The following CCDC102A variants were observed in gnomAD, a reference collection of about 807,000 sequenced individuals.
CCDC102A encodes the protein coiled-coil domain containing 102A.
CCDC102A carries 40 observed loss-of-function variants against 55.5 expected under a neutral mutation model. The observed-to-expected ratio is 0.72, with a 90% confidence interval of 0.56 to 0.94. CCDC102A has a LOEUF of 0.94. Ranked by LOEUF, CCDC102A falls within the 40% of genes least tolerant of loss-of-function variation. The pLI, the probability that CCDC102A is intolerant of heterozygous loss-of-function variation, is 0.00. For missense variants in CCDC102A, 779 were observed against 768.6 expected, an observed-to-expected ratio of 1.01 and a Z score of -0.16; for synonymous variants, 323 against 339.0, an observed-to-expected ratio of 0.95 and a Z score of 0.52.
chr16:57,520,153 G>A (rs535678800), intron 4 of CCDC102A, among the ~76,000 whole-genome samples: 11 of 152,280 alleles, frequency 7.2e-5, no homozygotes, highest in South Asian at 4.1e-4. Context: ...CAGCCTCCTC[G>A]TCTTCATCCT....
At chr16:57,528,517 T>C (rs1266633627) in intron 2 of CCDC102A, 76 bp downstream of exon 2, 1 of 1,041,450 alleles carries the variant, frequency 9.6e-7, no homozygotes, top group Non-Finnish European at 1.2e-6. Flanking sequence ...AGCTTGTTTC[T>C]GAGCCCAGCA....
chr16:57,525,270 A>G (rs1197138072), intron 3 of CCDC102A, among the ~76,000 whole-genome samples: 3 of 151,948 alleles, frequency 2.0e-5, no homozygotes, highest in African/African-American at 7.2e-5. Context: ...TAATTTTTGC[A>G]TTTTTGGTAG....
chr16:57,536,366 G>A (rs1396302047), intron 1 of CCDC102A, 134 bp downstream of exon 1: 6 of 152,254 alleles, frequency 3.9e-5, no homozygotes, highest in South Asian at 2.1e-4. Context: ...GGTTGCCGCG[G>A]GCGCCCCGAC....
chr16:57,522,257 A>T (rs1163694546), intron 3 of CCDC102A, among the ~76,000 whole-genome samples: 30 of 152,220 alleles, frequency 2.0e-4, no homozygotes, highest in African/African-American at 7.2e-4. Context: ...TAGAGAGAGG[A>T]TCTGGCTCTG....
intron 1 of CCDC102A, among the ~76,000 whole-genome samples, 179 bp downstream of exon 1, chr16:57,536,321 G>A (rs1422532104): frequency 1.3e-5 from 2 of 152,120 alleles, no homozygotes; most frequent in Admixed American, 6.5e-5. Flanking sequence ...AGGGAGGCCG[G>A]GGAGGCGTCT....
rs761976761 is a variant in CCDC102A, at chr16:57,528,959, C to T, written c.219G>A (p.Glu73=). The change falls in exon 2 of 9, where the codon GAG becomes GAA. Residue 73 remains glutamate, a synonymous_variant. Coordinates refer to ENST00000258214, the MANE Select transcript of CCDC102A (RefSeq NM_033212.4). ...LLADGDWESR[E]ELRLRELEEA... is the part of the protein sequence containing the mutation. ...CCTCCAGCTCCCGCAGCCGCAGCTC[C>T]TCGCGGCTCTCCCAGTCGCCGTCGG... 5 of 1,354,418 alleles carry T rather than the reference C, an allele frequency of 3.7e-6. No homozygotes were observed. The highest frequency in any genetic ancestry group is 4.8e-6 in the Non-Finnish European group (5 of 1,041,412). The allele number at this position is 1,354,418 out of a possible 1,614,324, so 83.9% of individuals were successfully genotyped here.
At chr16:57,531,903 G>A (rs540547813) in intron 1 of CCDC102A, among the ~76,000 whole-genome samples, 9 of 152,300 alleles carry the variant, frequency 5.9e-5, no homozygotes, top group South Asian at 4.1e-4. Flanking sequence ...ACACCACCAC[G>A]TGGAGCAGTA....
intron 3 of CCDC102A, among the ~76,000 whole-genome samples, chr16:57,521,384 T>C (rs147671740): frequency 0.028 from 4,198 of 152,282 alleles, 75 homozygotes; most frequent in Non-Finnish European, 0.038. Flanking sequence ...CAAGTGCAAG[T>C]GCCCAGCTCA....
chr16:57,522,682 T>C (rs1223853487), intron 3 of CCDC102A, among the ~76,000 whole-genome samples: 1 of 152,234 alleles, frequency 6.6e-6, no homozygotes, highest in Non-Finnish European at 1.5e-5. Flanking sequence ...GTAGCTGTCC[T>C]GCGAGGTGAC....
In CCDC102A at chr16:57,528,921, C is replaced by T; in HGVS notation, c.257G>A (p.Arg86Gln). Residue 86 changes from arginine (R) to glutamine (Q), a missense_variant, in exon 2 of 9, where the codon CGG becomes CAG. Physicochemically the swap from Arg to Gln is conservative, Grantham distance 43 (BLOSUM62 1). Transcript: ENST00000258214. The stretch of plus-strand genomic sequence containing the variant: ...CATGGTCTTCTCCATCTGCGCCGCC[C>T]GCGCCCGCGCCTCCTCCAGCTCCCG... Reference protein sequence around the residue: ...RLRELEEARARAAQMEKTMRR... With the variant: ...RLRELEEARAQAAQMEKTMRR... The T allele has an allele frequency of 7.1e-7, 1 of 1,400,232 alleles. No individual in the cohort carries two copies. Among genetic ancestry groups the T allele is most frequent in the Non-Finnish European group, 9.4e-7 (1 of 1,067,246 alleles). 86.7% of individuals were successfully genotyped at this position (1,400,232 alleles called of 1,614,324 possible).
Position 57,512,681 on chromosome 16 carries a change from T to C in CCDC102A, c.*60A>G, listed in dbSNP as rs1286909272. The stretch of plus-strand genomic sequence containing the variant: ...TAGGCACTGCATCAGTTTGAGTGGC[T>C]GGTTAGCCTGGACCCTGGGCAGGTA... On this transcript the variant is annotated 3_prime_UTR_variant, in exon 9 of 9. Transcript: ENST00000258214. 2 of 1,556,334 alleles carry C rather than the reference T, an allele frequency of 1.3e-6. No individual in the cohort carries two copies. The highest frequency in any genetic ancestry group is 1.7e-6 in the Non-Finnish European group (2 of 1,150,992).
In CCDC102A at chr16:57,512,368, G is replaced by C; in HGVS notation, c.*373C>G. The C allele has an allele frequency of 2.5e-6, 1 of 399,976 alleles. No homozygotes were observed. The highest frequency in any genetic ancestry group is 4.4e-6 in the Non-Finnish European group (1 of 227,030). 24.8% of individuals were successfully genotyped at this position (399,976 alleles called of 1,614,324 possible). A position where few individuals can be genotyped will look rare whatever the true frequency, so the allele number is the denominator to read the frequency against. On this transcript the variant is annotated 3_prime_UTR_variant, in exon 9 of 9. Coordinates refer to ENST00000258214, the MANE Select transcript of CCDC102A (RefSeq NM_033212.4). ...ATTGTATGATGAACAGCGAAGCCTA[G>C]AGAGGCAGCCCAGGGTGGGGCTCCA...
intron 3 of CCDC102A, among the ~76,000 whole-genome samples, chr16:57,522,777 C>T (rs1479600950): frequency 1.3e-5 from 2 of 152,242 alleles, no homozygotes; most frequent in African/African-American, 2.4e-5. Flanking sequence ...ACTATCGTCA[C>T]TATCATCCCA....
chr16:57,527,409 TTGC>T (rs1236701889), intron 2 of CCDC102A, among the ~76,000 whole-genome samples: 4 of 135,288 alleles, frequency 3.0e-5, no homozygotes, highest in Admixed American at 7.0e-5. Context: ...CTGGCAGACA[TTGC>T]TGCTGCTTTT....
intron 1 of CCDC102A, among the ~76,000 whole-genome samples, chr16:57,533,972 C>A (rs540352005): frequency 6.6e-6 from 1 of 152,318 alleles, no homozygotes; most frequent in South Asian, 2.1e-4. Context: ...GACCGGCCAC[C>A]ACAGGCCCCG....
At position 57,512,509 on chromosome 16, in the gene CCDC102A, G is replaced by GGT. The variant is rs200214918; in HGVS notation, c.*230_*231dup. ...AACCAAATGGGTCCAAAGACTTCTG[G>GGT]GTGTGCGCGCGCGCGCGCGCGTGTG... is the stretch of plus-strand genomic sequence containing the variant. On this transcript the variant is annotated 3_prime_UTR_variant, in exon 9 of 9. Transcript: ENST00000258214. The GGT allele has an allele frequency of 1.2e-3, 512 of 444,404 alleles. 6 individuals carry two copies. The East Asian group carries it at 0.014, about 12-fold the overall frequency. The allele number at this position is 444,404 out of a possible 1,614,324, so 27.5% of individuals were successfully genotyped here.
At chr16:57,532,650 A>T (rs575211824) in intron 1 of CCDC102A, among the ~76,000 whole-genome samples, 2 of 152,242 alleles carry the variant, frequency 1.3e-5, no homozygotes, top group South Asian at 2.1e-4. Flanking sequence ...ACACTGACAC[A>T]CAGGTACAAG....
chr16:57,529,222 AG>A lies in CCDC102A; in HGVS notation c.-46del. The A allele has an allele frequency of 8.7e-7, 1 of 1,148,862 alleles. No homozygotes were observed. The highest frequency in any genetic ancestry group is 1.1e-6 in the Non-Finnish European group (1 of 933,568). The allele number at this position is 1,148,862 out of a possible 1,614,324, so 71.2% of individuals were successfully genotyped here. On this transcript the variant is annotated 5_prime_UTR_variant, in exon 2 of 9. An upstream open reading frame in the 5' UTR loses its in-frame stop. Coordinates refer to ENST00000258214, the MANE Select transcript of CCDC102A (RefSeq NM_033212.4). The surrounding 1 kb of genome is among the most constrained non-coding windows in gnomAD (Gnocchi z 4.1). ...TGAGCTCGAACTCGCGGTCGGGCTC[AG>A]GGGCGGCTCCGGGGACGCGCGGCGG...
chr16:57,524,431 C>T (rs2032100293), intron 3 of CCDC102A, among the ~76,000 whole-genome samples: 1 of 152,094 alleles, frequency 6.6e-6, no homozygotes, highest in South Asian at 2.1e-4. Context: ...GAACATGCGC[C>T]AGAGGCATGG....
Sources: gnomAD v4.1 joint callset for allele counts (sites outside exome capture counted in the v4.1 genomes callset) on GRCh38, gnomAD v4.1.1 for gene constraint, Gnocchi (gnomAD v3.1) non-coding constraint, MANE v1.5 for transcripts, NCBI Gene and HGNC (gene_info 2026-07-23, HGNC 2026-07-21) for gene names.